Variants in PRKCZ observed in about 807,000 individuals in gnomAD.
PRKCZ encodes protein kinase C zeta type.
PRKCZ carries 33 observed loss-of-function variants against 79.5 expected under a neutral mutation model. The ratio of observed to expected loss-of-function variants is 0.41; its 90% confidence interval spans 0.31 to 0.55. The LOEUF is 0.55. PRKCZ is among the 20% of genes least tolerant of loss of function. PRKCZ has a pLI of 0.19. For synonymous variants in PRKCZ, 342 were observed against 320.9 expected, an observed-to-expected ratio of 1.07 and a Z score of -0.70; for missense variants, 578 against 813.5, an observed-to-expected ratio of 0.71 and a Z score of 3.52.
intron 2 of PRKCZ, 66 bp downstream of exon 2, chr1:2,055,628 G>T: frequency 6.4e-7 from 1 of 1,553,076 alleles, no homozygotes; most frequent in Non-Finnish European, 8.7e-7. Context: ...CAGCCTCTGT[G>T]TGCGGAGTGT....
intron 4 of PRKCZ, among the ~76,000 whole-genome samples, chr1:2,079,614 A>G (rs1286171311): frequency 6.6e-6 from 1 of 152,240 alleles, no homozygotes; most frequent in Non-Finnish European, 1.5e-5. Flanking sequence ...TCATGGGATT[A>G]GCCAGTAACT....
In PRKCZ at chr1:2,114,502, G is replaced by A. The variant is rs111342875; in HGVS notation, c.335-20760G>A. Among the ~76,000 whole-genome samples, 956 of 152,328 alleles carry A rather than the reference G, an allele frequency of 6.3e-3. 2 individuals are homozygous for A. The highest frequency in any genetic ancestry group is 0.011 in the Non-Finnish European group (727 of 68,032). ...GAAGAAAAAGATAAGATGACTGGGC[G>A]CAGTGGCTCACGCCTGTAATCCCAG... On this transcript the variant is annotated intron_variant, in intron 4 of 17. Transcript: ENST00000378567.
At chr1:2,175,012 C>G (rs1040570013) in intron 15 of PRKCZ, among the ~76,000 whole-genome samples, 179 bp downstream of exon 15, 1 of 152,112 alleles carries the variant, frequency 6.6e-6, no homozygotes, top group Non-Finnish European at 1.5e-5. Context: ...TTTACTCACA[C>G]CTAACAAAAT....
chr1:2,113,583 TCCTG>T (rs758575635), intron 4 of PRKCZ, among the ~76,000 whole-genome samples: 1 of 152,198 alleles, frequency 6.6e-6, no homozygotes, highest in Non-Finnish European at 1.5e-5. Flanking sequence ...ACTTCTCTTA[TCCTG>T]ACATCCTGGA....
chr1:2,063,166 G>A (rs1245269376), intron 4 of PRKCZ, among the ~76,000 whole-genome samples: 1 of 152,084 alleles, frequency 6.6e-6, no homozygotes, highest in Non-Finnish European at 1.5e-5. Flanking sequence ...ACCCATTTCT[G>A]TCAGTGGACA....
chr1:2,117,211 A>G (rs892395132), intron 4 of PRKCZ, among the ~76,000 whole-genome samples: 3 of 152,134 alleles, frequency 2.0e-5, no homozygotes, highest in African/African-American at 7.2e-5. Context: ...CAGCCTCCTA[A>G]GGTGCTGGGA....
In PRKCZ at chr1:2,082,836, C is replaced by T. The variant is rs1014035053; in HGVS notation, c.334+23245C>T. On this transcript the variant is annotated intron_variant, in intron 4 of 17. Transcript: ENST00000378567. This position sits in a 1 kb window ranked among gnomAD's most constrained non-coding sequence, Gnocchi z 4.4. ...TAGTAGCAGGGAGAGGGTGGAGGGGCGGCCAAGGGCGTGAGGGAGAGGGTG... is the reference window on the plus strand; with the variant it reads ...TAGTAGCAGGGAGAGGGTGGAGGGGTGGCCAAGGGCGTGAGGGAGAGGGTG... Among the ~76,000 whole-genome samples, 32 of 150,934 alleles carry T rather than the reference C, an allele frequency of 2.1e-4. No individual in the cohort carries two copies. The highest frequency in any genetic ancestry group is 3.2e-4 in the African/African-American group (13 of 40,888).
At chr1:2,067,027 C>G (rs1661176522) in intron 4 of PRKCZ, among the ~76,000 whole-genome samples, 1 of 152,248 alleles carries the variant, frequency 6.6e-6, no homozygotes, top group Non-Finnish European at 1.5e-5. Flanking sequence ...GTTTCATCTT[C>G]TATCCATTGG....
At chr1:2,069,172 C>T (rs540859542) in intron 4 of PRKCZ, among the ~76,000 whole-genome samples, 14 of 152,332 alleles carry the variant, frequency 9.2e-5, no homozygotes, top group South Asian at 2.1e-4. Context: ...CAGCCCCGCC[C>T]GGGAGAGCCC....
At chr1:2,097,660 G>A (rs1406240101) in intron 4 of PRKCZ, among the ~76,000 whole-genome samples, 3 of 152,116 alleles carry the variant, frequency 2.0e-5, no homozygotes, top group East Asian at 1.9e-4. Context: ...CATGCACCCC[G>A]GAAGGCACGC....
rs1485189544 is a variant in PRKCZ at position 2,172,411 on chromosome 1, C to T, written c.1285+23C>T. The T allele has an allele frequency of 6.2e-7, 1 of 1,602,004 alleles. No homozygotes were observed. Among genetic ancestry groups the T allele is most frequent in the Non-Finnish European group, 8.5e-7 (1 of 1,173,790 alleles). On this transcript the variant is annotated intron_variant, in intron 13 of 17. Coordinates refer to ENST00000378567, the MANE Select transcript of PRKCZ (RefSeq NM_002744.6). This position sits in a 1 kb window ranked among gnomAD's most constrained non-coding sequence, Gnocchi z 7.8. Reference sequence around the variant, plus strand: ...ACGGTGAGTGCCGCTGCCCTGGCCCCTCTCGGAGCACACAGGGCCAGAGAT... The same window carrying T: ...ACGGTGAGTGCCGCTGCCCTGGCCCTTCTCGGAGCACACAGGGCCAGAGAT...
rs1571051226 is a variant in PRKCZ, at chr1:2,050,436, C to G, written c.-195C>G. 4 of 196,588 alleles carry G rather than the reference C, an allele frequency of 2.0e-5. No homozygotes were observed. Among genetic ancestry groups the G allele is most frequent in the Non-Finnish European group, 4.0e-5 (4 of 98,874 alleles). 12.2% of individuals were successfully genotyped at this position (196,588 alleles called of 1,614,324 possible). A position where few individuals can be genotyped will look rare whatever the true frequency, so the allele number is the denominator to read the frequency against. ...GTTCGGACACCGCCCCCCGCCCCCG[C>G]CGGACGGTCCCGCCCCGCGCGCCCC... On this transcript the variant is annotated 5_prime_UTR_variant, in exon 1 of 18. Transcript: ENST00000378567.
chr1:2,121,632 A>AGTTATTTAGGGT (rs1671987178), intron 4 of PRKCZ, among the ~76,000 whole-genome samples: 2 of 22,076 alleles, frequency 9.1e-5, no homozygotes, highest in African/African-American at 3.3e-4. Flanking sequence ...GGTTAGGGTC[A>AGTTATTTAGGGT]CAGTGGTAGT....
rs556990169 is a variant in PRKCZ, at chr1:2,178,645, C to T, written c.1575+3332C>T. On this transcript the variant is annotated intron_variant, in intron 16 of 17. Coordinates refer to ENST00000378567, the MANE Select transcript of PRKCZ (RefSeq NM_002744.6). The surrounding 1 kb of genome is among the most constrained non-coding windows in gnomAD (Gnocchi z 4.3). ...TAGCCTTTCAGGGGGGCCACCTGTT[C>T]CTGCAGCGGCTGCTTTCTGGTCCCT... Among the ~76,000 whole-genome samples the T allele has an allele frequency of 6.6e-6, 1 of 152,274 alleles. No homozygotes were observed. The highest frequency in any genetic ancestry group is 2.1e-4 in the South Asian group (1 of 4,830).
At chr1:2,163,574 C>T (rs549123882) in intron 10 of PRKCZ, among the ~76,000 whole-genome samples, 1 of 152,318 alleles carries the variant, frequency 6.6e-6, no homozygotes, top group East Asian at 1.9e-4. Flanking sequence ...GGACTTTCCA[C>T]CCATTTCTGT....
At position 2,071,013 on chromosome 1, in the gene PRKCZ, G is replaced by A. The variant is rs535700452; in HGVS notation, c.334+11422G>A. On this transcript the variant is annotated intron_variant, in intron 4 of 17. Coordinates refer to ENST00000378567, the MANE Select transcript of PRKCZ (RefSeq NM_002744.6). ...CAGGGACGTGGAGGGTGCTGGGCCC[G>A]GGGCTACCATGGAGTCGCCTGCTGG... 2.7e-4 allele frequency among the ~76,000 whole-genome samples: 41 copies of A among 151,430 alleles called. 3 individuals carry two copies. The South Asian group carries it at 5.8e-3, about 22-fold the overall frequency.
At chr1:2,058,902 C>A (rs578209893) in intron 3 of PRKCZ, among the ~76,000 whole-genome samples, 11 of 152,100 alleles carry the variant, frequency 7.2e-5, no homozygotes, top group East Asian at 3.9e-4. Flanking sequence ...CTGAAAAAAA[C>A]CAACAAAAAA....
chr1:2,157,343 C>T (rs1681268039), intron 10 of PRKCZ, among the ~76,000 whole-genome samples: 1 of 152,124 alleles, frequency 6.6e-6, no homozygotes, highest in African/African-American at 2.4e-5. Context: ...CCATCACGAG[C>T]ATAAGGCATC....
chr1:2,115,195 G>A (rs1201072625), intron 4 of PRKCZ, among the ~76,000 whole-genome samples: 2 of 152,276 alleles, frequency 1.3e-5, no homozygotes, highest in African/African-American at 2.4e-5. Context: ...GGGCTTTCCC[G>A]TGGTGTGGGG....
Sources: allele counts gnomAD v4.1 joint callset (sites outside exome capture counted in the v4.1 genomes callset), GRCh38; gene constraint gnomAD v4.1.1; non-coding constraint Gnocchi (gnomAD v3.1); transcripts MANE v1.5; gene names NCBI Gene and HGNC (gene_info 2026-07-23, HGNC 2026-07-21).